The following NIBAN2 variants were observed in gnomAD, a reference collection of about 807,000 sequenced individuals.
NIBAN2 encodes the protein protein Niban 2.
In NIBAN2, 36 loss-of-function variants were observed where a neutral mutation model predicts 81.8. The observed-to-expected ratio is 0.44, with a 90% confidence interval of 0.34 to 0.58. NIBAN2 has a LOEUF of 0.58. NIBAN2 is among the 20% of genes least tolerant of loss of function. The pLI, the probability that NIBAN2 is intolerant of heterozygous loss-of-function variation, is 0.02. For missense variants in NIBAN2, 897 were observed against 1,014.1 expected (o/e 0.88, Z 1.57); for synonymous variants, 445 against 441.6 (o/e 1.01, Z -0.10).
chr9:127,566,503 C>G (rs112221978), intron 1 of NIBAN2, among the ~76,000 whole-genome samples: 2,221 of 152,280 alleles, frequency 0.015, 58 homozygotes, highest in African/African-American at 0.051. Context: ...GCCGTGGCAG[C>G]AAAACAGCAC....
At position 127,523,191 on chromosome 9, in the gene NIBAN2, AAATATATATATATATATATATATATATAT is replaced by A. The variant is rs1836985834; in HGVS notation, c.589+459_589+487del. 7.7e-4 allele frequency among the ~76,000 whole-genome samples: 12 copies of A among 15,510 alleles called. 2 individuals are homozygous for A. The highest frequency in any genetic ancestry group is 1.0e-3 in the African/African-American group (3 of 2,998). The allele number at this position is 15,510 out of a possible 152,430, so 10.2% of individuals were successfully genotyped here. A position where few individuals can be genotyped will look rare whatever the true frequency, so the allele number is the denominator to read the frequency against. On this transcript the variant is annotated intron_variant, in intron 5 of 13. Coordinates refer to ENST00000373312, the MANE Select transcript of NIBAN2 (RefSeq NM_022833.4). ...TTTTAAAAAAAAAAAAAAAAAAAAA[AAATATATATATATATATATATATATATAT>A]ATATATATATATATATATATATATA...
At chr9:127,529,085 T>C (rs1323132636) in intron 2 of NIBAN2, among the ~76,000 whole-genome samples, 1 of 152,122 alleles carries the variant, frequency 6.6e-6, no homozygotes, top group Non-Finnish European at 1.5e-5. Context: ...TTGGAAGGCC[T>C]GCAGGAAATG....
At chr9:127,546,858 G>T (rs889893934) in intron 1 of NIBAN2, among the ~76,000 whole-genome samples, 9 of 151,936 alleles carry the variant, frequency 5.9e-5, no homozygotes, top group Non-Finnish European at 1.3e-4. Context: ...CCCCAACTGG[G>T]AGAAGCACAG....
chr9:127,540,118 C>A (rs1189909318), intron 1 of NIBAN2, among the ~76,000 whole-genome samples: 3 of 152,188 alleles, frequency 2.0e-5, no homozygotes, highest in Non-Finnish European at 2.9e-5. Context: ...TGCAGCCTGG[C>A]CCACCCTGGG....
intron 1 of NIBAN2, among the ~76,000 whole-genome samples, chr9:127,565,354 G>C (rs1443559487): frequency 6.6e-6 from 1 of 152,196 alleles, no homozygotes; most frequent in African/African-American, 2.4e-5. Context: ...CTACTAAGGA[G>C]TAGAGGATTT....
chr9:127,517,776 G>T lies in NIBAN2; in HGVS notation c.705+50C>A. On this transcript the variant is annotated intron_variant, in intron 6 of 13. Coordinates refer to ENST00000373312, the MANE Select transcript of NIBAN2 (RefSeq NM_022833.4). The surrounding 1 kb of genome is among the most constrained non-coding windows in gnomAD (Gnocchi z 4.0). The stretch of plus-strand genomic sequence containing the variant: ...ACCCCACCCCCTGCCCTCCCCTGCT[G>T]GGTCCTTGGGTGACTTCTGAGGTTT... 1.4e-6 allele frequency: 2 copies of T among 1,423,872 alleles called. No individual in the cohort carries two copies. Among genetic ancestry groups the T allele is most frequent in the Non-Finnish European group, 9.8e-7 (1 of 1,015,590 alleles). 88.2% of individuals were successfully genotyped at this position (1,423,872 alleles called of 1,614,324 possible).
chr9:127,554,407 C>A (rs1837628512), intron 1 of NIBAN2, among the ~76,000 whole-genome samples: 1 of 152,188 alleles, frequency 6.6e-6, no homozygotes, highest in Non-Finnish European at 1.5e-5. Context: ...CTTCCCTCTT[C>A]CCCGCTCCGG....
upstream of NIBAN2, among the ~76,000 whole-genome samples, chr9:127,573,486 C>A (rs902573021): frequency 2.7e-5 from 4 of 147,138 alleles, no homozygotes; most frequent in African/African-American, 1.0e-4. Context: ...TAAACATAGT[C>A]ATCAGCACTA....
rs151283253 is a variant in NIBAN2 at position 127,566,034 on chromosome 9, A to C, written c.55+2786T>G. Among the ~76,000 whole-genome samples the C allele has an allele frequency of 2.8e-3, 419 of 151,188 alleles. 4 individuals carry two copies. Among genetic ancestry groups the C allele is most frequent in the African/African-American group, 9.7e-3 (399 of 41,044 alleles). Reference sequence around the variant, plus strand: ...GTAGTCCCAGCTACTTGGGAGGCTGAGGTGGGAGGATCACTTGAGCCCAGG... The same window carrying C: ...GTAGTCCCAGCTACTTGGGAGGCTGCGGTGGGAGGATCACTTGAGCCCAGG... On this transcript the variant is annotated intron_variant, in intron 1 of 13. Coordinates refer to ENST00000373312, the MANE Select transcript of NIBAN2 (RefSeq NM_022833.4).
At chr9:127,565,197 A>G (rs921233234) in intron 1 of NIBAN2, among the ~76,000 whole-genome samples, 14 of 152,118 alleles carry the variant, frequency 9.2e-5, no homozygotes, top group African/African-American at 3.1e-4. Context: ...CCCCAGCTCA[A>G]GCAATCCGCC....
intron 8 of NIBAN2, among the ~76,000 whole-genome samples, chr9:127,514,602 T>C (rs1836791574): frequency 6.6e-6 from 1 of 152,224 alleles, no homozygotes. Flanking sequence ...AATACCTTAG[T>C]AGATTCAATG....
chr9:127,509,806 T>G lies in NIBAN2; in HGVS notation c.1161+340A>C, dbSNP rs1017216969. The G allele has an allele frequency of 7.3e-5, 4 of 54,520 alleles. 1 individual carries two copies. The highest frequency in any genetic ancestry group is 1.3e-4 in the Non-Finnish European group (3 of 23,692). The allele number at this position is 54,520 out of a possible 1,614,324, so 3.4% of individuals were successfully genotyped here. A position where few individuals can be genotyped will look rare whatever the true frequency, so the allele number is the denominator to read the frequency against. On this transcript the variant is annotated intron_variant, in intron 9 of 13. Coordinates refer to ENST00000373312, the MANE Select transcript of NIBAN2 (RefSeq NM_022833.4). The stretch of plus-strand genomic sequence containing the variant: ...TCCTTCCCTCCTTCCCTCCTCTCCT[T>G]CCCTCCTTCCCTCCTCTCCTTCCCT...
At chr9:127,534,164 C>A (rs1279764928) in intron 1 of NIBAN2, among the ~76,000 whole-genome samples, 1 of 152,246 alleles carries the variant, frequency 6.6e-6, no homozygotes, top group Admixed American at 6.5e-5. Context: ...TTCCCCCATG[C>A]ACTGAGAGGC....
chr9:127,553,027 G>A (rs1295776878), intron 1 of NIBAN2, among the ~76,000 whole-genome samples: 2 of 152,028 alleles, frequency 1.3e-5, no homozygotes, highest in African/African-American at 4.8e-5. Context: ...ACAAGGAGGA[G>A]GCCCACTACT....
At position 127,525,181 on chromosome 9, in the gene NIBAN2, G is replaced by C. The variant is rs1174650143; in HGVS notation, c.316-18C>G. On this transcript the variant is annotated intron_variant, in intron 3 of 13. Transcript: ENST00000373312. ...TCATAGGCCTGAGGGAGGCAAGAGAGAGGGTCCCTGAGGGTTAAGGTGCGG... is the reference window on the plus strand; with the variant it reads ...TCATAGGCCTGAGGGAGGCAAGAGACAGGGTCCCTGAGGGTTAAGGTGCGG... 1 of 1,592,766 alleles carries C rather than the reference G, an allele frequency of 6.3e-7. No homozygotes were observed. Among genetic ancestry groups the C allele is most frequent in the South Asian group, 1.1e-5 (1 of 90,652 alleles).
intron 1 of NIBAN2, among the ~76,000 whole-genome samples, chr9:127,542,248 G>A (rs1321872756): frequency 6.6e-6 from 1 of 152,124 alleles, no homozygotes; most frequent in African/African-American, 2.4e-5. Flanking sequence ...ACAGTCTTCC[G>A]CCAAGCTCAC....
chr9:127,538,139 T>C (rs1837312284), intron 1 of NIBAN2, among the ~76,000 whole-genome samples: 1 of 151,986 alleles, frequency 6.6e-6, no homozygotes, highest in Non-Finnish European at 1.5e-5. Flanking sequence ...AGCAAGTTGG[T>C]TGAATAAGGG....
intron 1 of NIBAN2, among the ~76,000 whole-genome samples, chr9:127,578,388 G>T (rs571330396): frequency 7.0e-6 from 1 of 143,430 alleles, no homozygotes; most frequent in African/African-American, 2.6e-5. Flanking sequence ...GTGGCCAGGC[G>T]CCATGGCTTA....
intron 1 of NIBAN2, among the ~76,000 whole-genome samples, chr9:127,558,819 C>T (rs1260264103): frequency 6.6e-6 from 1 of 152,182 alleles, no homozygotes; most frequent in Non-Finnish European, 1.5e-5. Flanking sequence ...GGGCAAAGGA[C>T]ACACAGCTTC....
Sources: gnomAD v4.1 joint callset for allele counts (sites outside exome capture counted in the v4.1 genomes callset) on GRCh38, gnomAD v4.1.1 for gene constraint, Gnocchi (gnomAD v3.1) non-coding constraint, MANE v1.5 for transcripts, NCBI Gene and HGNC (gene_info 2026-07-23, HGNC 2026-07-21) for gene names.